The following KHDRBS2 variants were observed in gnomAD, a reference collection of about 807,000 sequenced individuals.
KHDRBS2 encodes KH domain-containing, RNA-binding, signal transduction-associated protein 2.
In KHDRBS2, 26 loss-of-function variants were observed where a neutral mutation model predicts 44.3. That is an observed-to-expected ratio of 0.59 (90% CI 0.43 to 0.81). The LOEUF (loss-of-function observed/expected upper bound fraction) is 0.81, where lower values mean the gene tolerates loss of function less well. Ranked by LOEUF, KHDRBS2 falls within the 40% of genes least tolerant of loss-of-function variation. The pLI, the probability that KHDRBS2 is intolerant of heterozygous loss-of-function variation, is 0.00. For synonymous variants in KHDRBS2, 194 were observed against 151.1 expected (o/e 1.28, Z -2.08); for missense variants, 476 against 433.1 (o/e 1.10, Z -0.88).
At chr6:62,140,657 T>A (rs1439891980) in intron 2 of KHDRBS2, among the ~76,000 whole-genome samples, 2 of 152,196 alleles carry the variant, frequency 1.3e-5, no homozygotes, top group Non-Finnish European at 2.9e-5. Context: ...CTAAAAGAGA[T>A]GTTCAAAAAA....
At chr6:62,090,395 C>A (rs1177677633) in intron 2 of KHDRBS2, among the ~76,000 whole-genome samples, 1 of 152,052 alleles carries the variant, frequency 6.6e-6, no homozygotes, top group Non-Finnish European at 1.5e-5. Flanking sequence ...ATGTATTAAT[C>A]AATAATTCTG....
chr6:61,954,648 A>C (rs1318903273), intron 4 of KHDRBS2, among the ~76,000 whole-genome samples: 1 of 131,430 alleles, frequency 7.6e-6, no homozygotes, highest in African/African-American at 2.9e-5. Flanking sequence ...ATACATACTT[A>C]TGTATACATA....
At chr6:61,909,914 A>G (rs1381176943) in intron 4 of KHDRBS2, among the ~76,000 whole-genome samples, 1 of 152,208 alleles carries the variant, frequency 6.6e-6, no homozygotes, top group Admixed American at 6.5e-5. Context: ...CTGCACATTT[A>G]AAACTGTGTT....
intron 2 of KHDRBS2, among the ~76,000 whole-genome samples, chr6:62,135,010 G>A (rs1811197723): frequency 6.6e-6 from 1 of 152,158 alleles, no homozygotes. Context: ...TTGAGACTTT[G>A]AGGACTGTTG....
intron 3 of KHDRBS2, 32 bp downstream of exon 3, chr6:62,047,846 A>G: frequency 1.4e-6 from 2 of 1,385,688 alleles, no homozygotes; most frequent in Non-Finnish European, 2.1e-6. Context: ...AACCTCCTGA[A>G]TGTGGTAAAT....
intron 1 of KHDRBS2, among the ~76,000 whole-genome samples, chr6:62,225,711 C>T (rs532985875): frequency 6.6e-6 from 1 of 151,726 alleles, no homozygotes; most frequent in African/African-American, 2.4e-5. Flanking sequence ...CAACTGGCCC[C>T]CATGTGTGTT....
intron 2 of KHDRBS2, among the ~76,000 whole-genome samples, chr6:62,098,259 T>G (rs1333227251): frequency 3.4e-4 from 52 of 151,748 alleles, no homozygotes; most frequent in Admixed American, 1.4e-3. Flanking sequence ...TTTTTTTTTT[T>G]TTGTTACAAG....
chr6:62,098,395 T>G (rs1445183588), intron 2 of KHDRBS2, among the ~76,000 whole-genome samples: 2 of 152,146 alleles, frequency 1.3e-5, no homozygotes, highest in African/African-American at 4.8e-5. Flanking sequence ...AGGATAACTT[T>G]GCTGGCTCCA....
At chr6:61,597,592 TATC>T in the KHDRBS2 span, among the ~76,000 whole-genome samples, 1 of 150,898 alleles carries the variant, frequency 6.6e-6, no homozygotes, top group African/African-American at 2.4e-5. Flanking sequence ...CAGGGTAACT[TATC>T]AGTGATTAAA....
At chr6:61,756,523 G>T (rs1195574270) in intron 6 of KHDRBS2, among the ~76,000 whole-genome samples, 1 of 152,176 alleles carries the variant, frequency 6.6e-6, no homozygotes, top group African/African-American at 2.4e-5. Context: ...GCCTCCCAAA[G>T]TGCTGGGATT....
chr6:62,028,173 A>C (rs1191592156), intron 3 of KHDRBS2, among the ~76,000 whole-genome samples: 1 of 152,046 alleles, frequency 6.6e-6, no homozygotes, highest in Non-Finnish European at 1.5e-5. Context: ...ACTGGGAAAA[A>C]ACTCCACACA....
intron 3 of KHDRBS2, among the ~76,000 whole-genome samples, chr6:61,980,005 A>G (rs1477181499): frequency 1.3e-5 from 2 of 152,158 alleles, no homozygotes; most frequent in African/African-American, 4.8e-5. Context: ...AAGCAAAATA[A>G]TATGGTCATT....
chr6:61,574,402 A>G, the KHDRBS2 span: 1 of 1,523,194 alleles, frequency 6.6e-7, no homozygotes, highest in South Asian at 1.2e-5. Context: ...GGCGGACATA[A>G]TACAACAAGA....
At chr6:61,752,671 CAAAAAA>C (rs56410130) in intron 6 of KHDRBS2, among the ~76,000 whole-genome samples, 4 of 111,336 alleles carry the variant, frequency 3.6e-5, no homozygotes, top group African/African-American at 1.3e-4. Context: ...TTGTGGTATA[CAAAAAA>C]AAAAAAAAAA....
chr6:61,922,447 G>T (rs1033182255), intron 4 of KHDRBS2, among the ~76,000 whole-genome samples: 2 of 152,018 alleles, frequency 1.3e-5, no homozygotes, highest in African/African-American at 4.8e-5. Context: ...GAACAACAAA[G>T]AGCTGCAAAA....
At chr6:61,604,990 C>A in the KHDRBS2 span, among the ~76,000 whole-genome samples, 10 of 152,242 alleles carry the variant, frequency 6.6e-5, no homozygotes, top group African/African-American at 2.4e-4. Flanking sequence ...CCTTCATACT[C>A]CTTACCATCC....
chr6:62,276,952 T>A (rs1053408857), intron 1 of KHDRBS2, among the ~76,000 whole-genome samples: 1 of 152,178 alleles, frequency 6.6e-6, no homozygotes, highest in Non-Finnish European at 1.5e-5. Context: ...TTTGTTTAAT[T>A]TGTAAAACTA....
At chr6:62,028,203 T>A (rs944378166) in intron 3 of KHDRBS2, among the ~76,000 whole-genome samples, 5 of 152,100 alleles carry the variant, frequency 3.3e-5, no homozygotes, top group African/African-American at 1.2e-4. Flanking sequence ...AGAAATGAAG[T>A]CTTGAGAATA....
intron 6 of KHDRBS2, among the ~76,000 whole-genome samples, chr6:61,748,357 T>A (rs190577298): frequency 7.6e-4 from 116 of 152,270 alleles, no homozygotes; most frequent in African/African-American, 2.7e-3. Flanking sequence ...ATTCATGTAT[T>A]TATTTATTTT....
Sources: gnomAD v4.1 joint callset for allele counts (sites outside exome capture counted in the v4.1 genomes callset) on GRCh38, gnomAD v4.1.1 for gene constraint, MANE v1.5 for transcripts, NCBI Gene and HGNC (gene_info 2026-07-23, HGNC 2026-07-21) for gene names.